The following JAM3 variants were observed in gnomAD, a reference collection of about 807,000 sequenced individuals.
The protein encoded by JAM3 is junctional adhesion molecule 3.
A neutral mutation model predicts 39.4 loss-of-function variants in JAM3; 31 were observed. The observed-to-expected ratio is 0.79, with a 90% CI of 0.59 to 1.06. JAM3 has a LOEUF of 1.06. Among genes scored for constraint, JAM3 ranks in the 50% least tolerant of loss-of-function variants. The pLI, the probability that JAM3 is intolerant of heterozygous loss-of-function variation, is 0.00. For synonymous variants in JAM3, 182 were observed against 148.7 expected (o/e 1.22, Z -1.63); for missense variants, 455 against 391.4 (o/e 1.16, Z -1.37).
At chr11:134,076,038 C>T (rs996296611) in intron 1 of JAM3, among the ~76,000 whole-genome samples, 1 of 115,340 alleles carries the variant, frequency 8.7e-6, no homozygotes, top group African/African-American at 5.6e-5. Flanking sequence ...CCAATCAATA[C>T]ACAGTTTTTC....
chr11:134,133,663 T>C (rs1370567804), intron 1 of JAM3, among the ~76,000 whole-genome samples: 1 of 152,164 alleles, frequency 6.6e-6, no homozygotes, highest in Non-Finnish European at 1.5e-5. Context: ...TAGTCATCTT[T>C]CCACCCAAGG....
At chr11:134,114,913 C>G (rs1009132239) in intron 1 of JAM3, among the ~76,000 whole-genome samples, 3 of 152,154 alleles carry the variant, frequency 2.0e-5, no homozygotes, top group Non-Finnish European at 4.4e-5. Context: ...TTTCTGTCCA[C>G]TTGTTCTGCT....
intron 1 of JAM3, among the ~76,000 whole-genome samples, chr11:134,111,296 C>T (rs547699801): frequency 6.6e-6 from 1 of 151,962 alleles, no homozygotes; most frequent in African/African-American, 2.4e-5. Context: ...GGCCCGCCAC[C>T]ACGCCCTGCT....
chr11:134,142,937 T>C (rs1217598443), intron 3 of JAM3, among the ~76,000 whole-genome samples: 2 of 152,244 alleles, frequency 1.3e-5, no homozygotes, highest in African/African-American at 2.4e-5. Flanking sequence ...GTACTTCATT[T>C]CTTTTCACGG....
At chr11:134,134,835 A>T (rs1196593410) in intron 1 of JAM3, among the ~76,000 whole-genome samples, 7 of 152,116 alleles carry the variant, frequency 4.6e-5, no homozygotes, top group African/African-American at 1.7e-4. Context: ...CCCATTTTAA[A>T]ATTTGTTCAA....
intron 1 of JAM3, among the ~76,000 whole-genome samples, chr11:134,123,354 A>C (rs1386748930): frequency 6.6e-6 from 1 of 152,080 alleles, no homozygotes; most frequent in African/African-American, 2.4e-5. Context: ...AGAGGAAGGA[A>C]AAAAGGAGAA....
intron 1 of JAM3, among the ~76,000 whole-genome samples, chr11:134,112,572 A>G (rs1222022440): frequency 6.6e-6 from 1 of 152,208 alleles, no homozygotes; most frequent in Non-Finnish European, 1.5e-5. Flanking sequence ...TTCCTGCAGT[A>G]TATACTATGT....
At position 134,117,422 on chromosome 11, in the gene JAM3, C is replaced by T. The variant is rs921297959; in HGVS notation, c.77-22429C>T. Reference sequence around the variant, plus strand: ...CCAAATTGGCGGGGAAGAAGTAAAGCTGTCTTGATGTCTTCCCTTATTAGA... The same window carrying T: ...CCAAATTGGCGGGGAAGAAGTAAAGTTGTCTTGATGTCTTCCCTTATTAGA... On this transcript the variant is annotated intron_variant, in intron 1 of 8. Coordinates refer to ENST00000299106, the MANE Select transcript of JAM3 (RefSeq NM_032801.5). 1.4e-4 allele frequency among the ~76,000 whole-genome samples: 21 copies of T among 152,034 alleles called. 1 individual carries two copies. Among genetic ancestry groups the T allele is most frequent in the Admixed American group, 1.1e-3 (17 of 15,268 alleles).
At chr11:134,102,015 C>A (rs1942083967) in intron 1 of JAM3, among the ~76,000 whole-genome samples, 1 of 152,158 alleles carries the variant, frequency 6.6e-6, no homozygotes, top group African/African-American at 2.4e-5. Context: ...GATCATGCCA[C>A]TGCAATCCAG....
intron 1 of JAM3, among the ~76,000 whole-genome samples, chr11:134,074,847 G>A (rs1211812131): frequency 3.3e-5 from 5 of 152,256 alleles, no homozygotes; most frequent in Admixed American, 1.3e-4. Context: ...TCTGTCAGCT[G>A]ATGTGCCCCA....
At chr11:134,120,162 C>T (rs1301699295) in intron 1 of JAM3, among the ~76,000 whole-genome samples, 3 of 152,142 alleles carry the variant, frequency 2.0e-5, no homozygotes, top group African/African-American at 7.2e-5. Context: ...TGCGAAGCAG[C>T]TGTACAGCAG....
chr11:134,115,499 A>G (rs1942410586), intron 1 of JAM3, among the ~76,000 whole-genome samples: 1 of 152,078 alleles, frequency 6.6e-6, no homozygotes, highest in Non-Finnish European at 1.5e-5. Flanking sequence ...TTTATTAGCT[A>G]TAACTTATGA....
chr11:134,144,090 G>C (rs1410913738), intron 3 of JAM3, 151 bp from the exon 4 acceptor site: 2 of 731,816 alleles, frequency 2.7e-6, no homozygotes, highest in African/African-American at 1.8e-5. Flanking sequence ...CTGTCCTCAA[G>C]AGAGTTCACT....
chr11:134,148,573 G>A lies in JAM3; in HGVS notation c.739G>A (p.Gly247Arg). ...TGACCTGAACATTGGCGGAATTATT[G>A]GGGGGGTTCTGGTTGTCCTTGCTGT... ...VYDLNIGGII[G>R]GVLVVLAVLA... Residue 247 changes from glycine to arginine, a missense_variant, in exon 7 of 9, where the codon GGG (glycine) becomes AGG (arginine). Physicochemically the swap from Gly to Arg is moderately radical, Grantham distance 125 (BLOSUM62 -2). Transcript: ENST00000299106. 1 of 1,613,992 alleles carries A rather than the reference G, an allele frequency of 6.2e-7. No individual in the cohort carries two copies. Among genetic ancestry groups the A allele is most frequent in the Non-Finnish European group, 8.5e-7 (1 of 1,179,960 alleles).
intron 1 of JAM3, among the ~76,000 whole-genome samples, chr11:134,135,375 T>C (rs1168894739): frequency 3.3e-5 from 5 of 152,218 alleles, no homozygotes; most frequent in African/African-American, 9.6e-5. Flanking sequence ...TTGATCTGTA[T>C]GTCTGTCTTT....
chr11:134,127,704 CAAAA>C (rs1942677470), intron 1 of JAM3, among the ~76,000 whole-genome samples: 1 of 152,102 alleles, frequency 6.6e-6, no homozygotes, highest in African/African-American at 2.4e-5. Flanking sequence ...GATTTCAAAA[CAAAA>C]TAAAACTTGA....
At chr11:134,090,601 T>C (rs967582821) in intron 1 of JAM3, among the ~76,000 whole-genome samples, 1 of 152,220 alleles carries the variant, frequency 6.6e-6, no homozygotes, top group Non-Finnish European at 1.5e-5. Context: ...AAGTTAGGGT[T>C]AGTAGCCTGA....
chr11:134,145,033 T>C (rs1350283319), intron 5 of JAM3, 39 bp downstream of exon 5: 3 of 1,491,358 alleles, frequency 2.0e-6, no homozygotes, highest in African/African-American at 1.4e-5. Context: ...GAGATGTCTT[T>C]GTTGGGGCAA....
At chr11:134,106,850 G>A (rs1029299544) in intron 1 of JAM3, among the ~76,000 whole-genome samples, 1 of 152,196 alleles carries the variant, frequency 6.6e-6, no homozygotes, top group African/African-American at 2.4e-5. Context: ...TGGAGAGGAT[G>A]TGGAGAAACA....
Sources: gnomAD v4.1 joint callset for allele counts (sites outside exome capture counted in the v4.1 genomes callset) on GRCh38, gnomAD v4.1.1 for gene constraint, MANE v1.5 for transcripts, NCBI Gene and HGNC (gene_info 2026-07-23, HGNC 2026-07-21) for gene names.